NAALADL2: variants seen among roughly 807,000 people sequenced by gnomAD.
NAALADL2 encodes N-acetylated alpha-linked acidic dipeptidase like 2, also known as inactive N-acetylated-alpha-linked acidic dipeptidase-like protein 2.
In NAALADL2, 76 loss-of-function variants were observed where a neutral mutation model predicts 87.2. The ratio of observed to expected loss-of-function variants is 0.87; its 90% CI spans 0.72 to 1.05. The LOEUF (loss-of-function observed/expected upper bound fraction) is 1.05. NAALADL2 is among the 50% of genes least tolerant of loss of function. The pLI is 0.00. For missense variants in NAALADL2, 1,089 were observed against 945.8 expected (o/e 1.15, Z -1.99); for synonymous variants, 354 against 331.0 (o/e 1.07, Z -0.75).
chr3:174,451,528 G>A (rs1310152964), intron 1 of NAALADL2, among the ~76,000 whole-genome samples: 1 of 152,096 alleles, frequency 6.6e-6, no homozygotes, highest in Non-Finnish European at 1.5e-5. Flanking sequence ...ACACCTCTAA[G>A]CATTTTTATA....
intron 11 of NAALADL2, among the ~76,000 whole-genome samples, chr3:175,654,850 C>A (rs1033304338): frequency 1.3e-5 from 2 of 152,104 alleles, no homozygotes; most frequent in African/African-American, 4.8e-5. Flanking sequence ...TACCAGGGAA[C>A]CTGTGTATAG....
intron 1 of NAALADL2, among the ~76,000 whole-genome samples, chr3:174,512,175 T>C (rs1321375928): frequency 1.3e-5 from 2 of 152,200 alleles, no homozygotes; most frequent in African/African-American, 4.8e-5. Context: ...TTTCGAGTTT[T>C]TGTCTGAAAA....
intron 6 of NAALADL2, among the ~76,000 whole-genome samples, chr3:175,461,631 G>A (rs1417260783): frequency 2.6e-5 from 4 of 152,208 alleles, no homozygotes; most frequent in African/African-American, 9.6e-5. Flanking sequence ...AATATTGTAA[G>A]TAGTACAGTA....
At chr3:174,683,422 T>G (rs1365399867) in intron 2 of NAALADL2, among the ~76,000 whole-genome samples, 1 of 152,140 alleles carries the variant, frequency 6.6e-6, no homozygotes, top group Non-Finnish European at 1.5e-5. Context: ...CATAACCACT[T>G]TTTTGTAGTT....
At chr3:175,516,000 G>A (rs1280209919) in intron 9 of NAALADL2, among the ~76,000 whole-genome samples, 1 of 152,158 alleles carries the variant, frequency 6.6e-6, no homozygotes, top group African/African-American at 2.4e-5. Flanking sequence ...AATAAATAAA[G>A]GAGAGGTATA....
chr3:175,454,073 T>A (rs1721971747), intron 6 of NAALADL2, among the ~76,000 whole-genome samples: 2 of 152,096 alleles, frequency 1.3e-5, no homozygotes, highest in South Asian at 4.1e-4. Flanking sequence ...AACCTTCCTG[T>A]ATCTTCCCTT....
intron 1 of NAALADL2, among the ~76,000 whole-genome samples, chr3:174,868,150 A>G (rs188557275): frequency 8.5e-4 from 130 of 152,188 alleles, no homozygotes; most frequent in African/African-American, 2.9e-3. Context: ...GTGAGGGGTA[A>G]ATAGGTTATT....
In NAALADL2 at chr3:174,619,126, T is replaced by C. The variant is rs138374836; in HGVS notation, c.-115+68489T>C. On this transcript the variant is annotated intron_variant, in intron 2 of 3. Transcript: ENST00000434257. ...CCTAGATACTGAAATTAGATTTATG[T>C]CAGTTTTTACTAATAGGAGACAGAT... 2.5e-3 allele frequency among the ~76,000 whole-genome samples: 375 copies of C among 152,048 alleles called. 2 individuals carry two copies. The highest frequency in any genetic ancestry group is 8.6e-3 in the African/African-American group (358 of 41,556).
intron 1 of NAALADL2, among the ~76,000 whole-genome samples, chr3:174,463,093 T>C (rs1420908111): frequency 2.0e-5 from 3 of 152,184 alleles, no homozygotes; most frequent in Non-Finnish European, 4.4e-5. Flanking sequence ...CAAACCATTG[T>C]ACAGAGTAGA....
In NAALADL2 at chr3:175,807,414, T is replaced by G. The variant is rs1460428785; in HGVS notation, c.*4211T>G. The G allele has an allele frequency of 3.9e-5, 6 of 151,930 alleles. No individual in the cohort carries two copies. The highest frequency in any genetic ancestry group is 1.4e-4 in the African/African-American group (6 of 41,414). The allele number at this position is 151,930 out of a possible 1,614,324, so 9.4% of individuals were successfully genotyped here. A position where few individuals can be genotyped will look rare whatever the true frequency, so the allele number is the denominator to read the frequency against. ...TGAAAATCTATAATTATTTGTATGA[T>G]AAATTGGTAGACCTAGCCAAAAATG... On this transcript the variant is annotated 3_prime_UTR_variant, in exon 14 of 14. Coordinates refer to ENST00000454872, the MANE Select transcript of NAALADL2 (RefSeq NM_207015.3).
intron 3 of NAALADL2, among the ~76,000 whole-genome samples, chr3:174,830,545 G>A (rs1298515119): frequency 4.6e-5 from 7 of 151,120 alleles, no homozygotes; most frequent in Non-Finnish European, 7.4e-5. Context: ...GTCAGGTAGT[G>A]TGATGCCTCC....
intron 1 of NAALADL2, among the ~76,000 whole-genome samples, chr3:174,518,564 ATTC>A (rs1302468651): frequency 6.6e-6 from 1 of 152,150 alleles, no homozygotes; most frequent in African/African-American, 2.4e-5. Flanking sequence ...TCTTTCAAAG[ATTC>A]TTCATTAACC....
intron 1 of NAALADL2, among the ~76,000 whole-genome samples, chr3:175,007,508 C>G (rs1260696137): frequency 6.6e-6 from 1 of 152,104 alleles, no homozygotes; most frequent in African/African-American, 2.4e-5. Flanking sequence ...TTCTGGCTAA[C>G]CATCAGAAAG....
intron 2 of NAALADL2, among the ~76,000 whole-genome samples, chr3:175,156,548 A>G (rs1195699192): frequency 2.0e-5 from 3 of 151,158 alleles, no homozygotes; most frequent in African/African-American, 7.4e-5. Context: ...GCAATTTGGT[A>G]TAGTAAACTA....
rs376447857 is a variant in NAALADL2 at position 175,467,012 on chromosome 3, C to G, written c.1361C>G (p.Thr454Ser). 2.5e-6 allele frequency: 4 copies of G among 1,613,634 alleles called. No individual in the cohort carries two copies. Among genetic ancestry groups the G allele is most frequent in the Non-Finnish European group, 2.5e-6 (3 of 1,179,698 alleles). ...RYIIVGSHHH[T>S]AHSYNGQEWA... ...ATCATAGTTGGCAGCCATCATCACA[C>G]TGCACACAGTTATAATGGACAAGAA... Residue 454 changes from threonine to serine, a missense_variant, in exon 8 of 14, where the codon ACT becomes AGT. By Grantham distance (58) the Thr-to-Ser change is moderately conservative. Transcript: ENST00000454872.
intron 2 of NAALADL2, among the ~76,000 whole-genome samples, chr3:175,179,739 A>G (rs192250301): frequency 2.4e-4 from 36 of 152,106 alleles, no homozygotes; most frequent in Non-Finnish European, 3.8e-4. Context: ...TTTAAACTAC[A>G]TAAATTACAT....
At chr3:175,491,753 A>G (rs972077103) in intron 9 of NAALADL2, among the ~76,000 whole-genome samples, 8 of 152,212 alleles carry the variant, frequency 5.3e-5, no homozygotes, top group African/African-American at 1.7e-4. Flanking sequence ...CTGAGAGGCT[A>G]TAGAGAGCTT....
intron 1 of NAALADL2, among the ~76,000 whole-genome samples, chr3:174,905,619 A>G (rs1732868423): frequency 6.6e-6 from 1 of 151,994 alleles, no homozygotes; most frequent in Non-Finnish European, 1.5e-5. Context: ...TCATTCTTTT[A>G]TTTCTTCCAT....
At chr3:175,663,734 T>C (rs1732585314) in intron 11 of NAALADL2, among the ~76,000 whole-genome samples, 1 of 151,934 alleles carries the variant, frequency 6.6e-6, no homozygotes, top group Non-Finnish European at 1.5e-5. Flanking sequence ...CTAACTCTTC[T>C]TTTTAAATTA....
Sources: allele counts gnomAD v4.1 joint callset (sites outside exome capture counted in the v4.1 genomes callset), GRCh38; gene constraint gnomAD v4.1.1; transcripts MANE v1.5; gene names NCBI Gene and HGNC (gene_info 2026-07-23, HGNC 2026-07-21).